Variants in ARID3B observed in about 807,000 individuals in gnomAD.
ARID3B encodes the protein AT-rich interactive domain-containing protein 3B.
A neutral mutation model predicts 51.9 loss-of-function variants in ARID3B; 10 were observed. The ratio of observed to expected loss-of-function variants is 0.19; its 90% CI spans 0.12 to 0.33. The LOEUF (loss-of-function observed/expected upper bound fraction) is 0.33. Ranked by LOEUF, ARID3B falls within the 10% of genes least tolerant of loss-of-function variation. The pLI is 1.00. For missense variants in ARID3B, 483 were observed against 716.3 expected (o/e 0.67, Z 3.72); for synonymous variants, 205 against 279.5 (o/e 0.73, Z 2.66).
chr15:74,588,853 G>T (rs1169471427), intron 4 of ARID3B, among the ~76,000 whole-genome samples: 1 of 151,854 alleles, frequency 6.6e-6, no homozygotes, highest in African/African-American at 2.4e-5. Flanking sequence ...AGAGGCCAGG[G>T]AGTGGGTGGA....
chr15:74,550,579 G>A (rs940742295), intron 2 of ARID3B, among the ~76,000 whole-genome samples: 4 of 151,724 alleles, frequency 2.6e-5, no homozygotes, highest in East Asian at 3.9e-4. Flanking sequence ...GGTGGCAGGC[G>A]CCTGCGGTCC....
At chr15:74,568,464 G>A (rs960359796) in intron 2 of ARID3B, among the ~76,000 whole-genome samples, 3 of 152,148 alleles carry the variant, frequency 2.0e-5, no homozygotes, top group African/African-American at 7.2e-5. Context: ...CCCTGAGCAG[G>A]TTATTTGAGC....
chr15:74,596,018 G>A lies in ARID3B; in HGVS notation c.*244G>A. The A allele has an allele frequency of 4.2e-6, 2 of 471,194 alleles. No homozygotes were observed. Among genetic ancestry groups the A allele is most frequent in the Non-Finnish European group, 7.5e-6 (2 of 267,952 alleles). The allele number at this position is 471,194 out of a possible 1,614,324, so 29.2% of individuals were successfully genotyped here. ...CAGGGATTGTCCTGGAGAACTGGGT[G>A]GGGGTCTGTGGGTGTCCAGCTTCCT... is the stretch of plus-strand genomic sequence containing the variant. On this transcript the variant is annotated 3_prime_UTR_variant, in exon 9 of 9. Transcript: ENST00000346246.
At chr15:74,585,873 G>A (rs546034901) in intron 4 of ARID3B, among the ~76,000 whole-genome samples, 13 of 152,344 alleles carry the variant, frequency 8.5e-5, no homozygotes, top group South Asian at 6.2e-4. Context: ...AATCAAAGAC[G>A]CGGCAGGCTT....
intron 2 of ARID3B, among the ~76,000 whole-genome samples, chr15:74,565,879 C>T (rs2061696353): frequency 6.6e-6 from 1 of 152,162 alleles, no homozygotes; most frequent in Non-Finnish European, 1.5e-5. Flanking sequence ...GTGCCATAAC[C>T]TGGCTTCTTC....
At chr15:74,541,530 C>A in intron 1 of ARID3B, among the ~76,000 whole-genome samples, 200 bp downstream of exon 1, 1 of 152,258 alleles carries the variant, frequency 6.6e-6, no homozygotes, top group South Asian at 2.1e-4. Context: ...TGAGATAAAG[C>A]GTTTGAGATA....
intron 2 of ARID3B, among the ~76,000 whole-genome samples, chr15:74,546,642 T>C (rs1306201408): frequency 6.6e-6 from 1 of 152,228 alleles, no homozygotes; most frequent in Non-Finnish European, 1.5e-5. Flanking sequence ...GCTGTTGGCA[T>C]TTGAAACTCT....
intron 2 of ARID3B, among the ~76,000 whole-genome samples, chr15:74,546,568 C>G (rs2061616663): frequency 6.6e-6 from 1 of 152,162 alleles, no homozygotes; most frequent in South Asian, 2.1e-4. Flanking sequence ...GGCAGGGCAC[C>G]CAGCATCATG....
intron 2 of ARID3B, among the ~76,000 whole-genome samples, chr15:74,565,565 T>G (rs1315901111): frequency 6.6e-6 from 1 of 152,200 alleles, no homozygotes; most frequent in Non-Finnish European, 1.5e-5. Flanking sequence ...TTTGGACATC[T>G]GAGCTGTGCT....
chr15:74,585,275 G>C lies in ARID3B; in HGVS notation c.698-4545G>C, dbSNP rs137879478. ...TGCTTTTGCATTTCTTGTGGACAGAGGCCTCTCTCTCTCAGGTGAAGAGCT... is the reference window on the plus strand; with the variant it reads ...TGCTTTTGCATTTCTTGTGGACAGACGCCTCTCTCTCTCAGGTGAAGAGCT... On this transcript the variant is annotated intron_variant, in intron 4 of 8. Transcript: ENST00000346246. 6.2e-4 allele frequency among the ~76,000 whole-genome samples: 95 copies of C among 152,294 alleles called. 1 individual carries two copies. The highest frequency in any genetic ancestry group is 2.2e-3 in the African/African-American group (93 of 41,562).
At chr15:74,569,464 G>A (rs1473467023) in intron 2 of ARID3B, among the ~76,000 whole-genome samples, 1 of 152,148 alleles carries the variant, frequency 6.6e-6, no homozygotes, top group African/African-American at 2.4e-5. Context: ...GCATGTACCT[G>A]TAGTCCCAGC....
chr15:74,591,118 G>T lies in ARID3B; in HGVS notation c.882-33G>T. On this transcript the variant is annotated intron_variant, in intron 5 of 8. Coordinates refer to ENST00000346246, the MANE Select transcript of ARID3B (RefSeq NM_006465.4). The surrounding 1 kb of genome is among the most constrained non-coding windows in gnomAD (Gnocchi z 5.8). ...CTGGGTGGTCTCTGGTGCTGTTTTG[G>T]ATTATTCTCCCTGCTTGCTTCCTTT... The T allele has an allele frequency of 6.4e-7, 1 of 1,560,828 alleles. No individual in the cohort carries two copies. Among genetic ancestry groups the T allele is most frequent in the Non-Finnish European group, 8.7e-7 (1 of 1,148,702 alleles).
intron 2 of ARID3B, among the ~76,000 whole-genome samples, chr15:74,556,211 A>C (rs2061657065): frequency 6.6e-6 from 1 of 152,200 alleles, no homozygotes; most frequent in African/African-American, 2.4e-5. Flanking sequence ...CAAGGTTACT[A>C]ATTGGCCTAA....
At chr15:74,554,635 A>G (rs2061650547) in intron 2 of ARID3B, among the ~76,000 whole-genome samples, 1 of 152,066 alleles carries the variant, frequency 6.6e-6, no homozygotes, top group Non-Finnish European at 1.5e-5. Context: ...CAATTTAACT[A>G]TACTTTTCTT....
intron 2 of ARID3B, among the ~76,000 whole-genome samples, chr15:74,554,702 AT>A (rs1187735671): frequency 3.3e-5 from 5 of 152,058 alleles, no homozygotes; most frequent in Non-Finnish European, 5.9e-5. Context: ...TTTAGCCTTT[AT>A]GTCCTTTGCT....
intron 2 of ARID3B, among the ~76,000 whole-genome samples, chr15:74,566,290 C>A (rs1375509388): frequency 6.6e-6 from 1 of 152,074 alleles, no homozygotes; most frequent in Non-Finnish European, 1.5e-5. Context: ...TCATACTACT[C>A]TCTTACTTGT....
At chr15:74,577,868 G>T (rs1313019302) in intron 4 of ARID3B, among the ~76,000 whole-genome samples, 1 of 151,910 alleles carries the variant, frequency 6.6e-6, no homozygotes, top group Non-Finnish European at 1.5e-5. Context: ...TGTGAGGCTT[G>T]CTGTCTTTGT....
chr15:74,585,088 G>C (rs1437992201), intron 4 of ARID3B, among the ~76,000 whole-genome samples: 1 of 152,168 alleles, frequency 6.6e-6, no homozygotes, highest in Non-Finnish European at 1.5e-5. Flanking sequence ...CTCCTGCTTT[G>C]ATAGCAGTGA....
chr15:74,565,627 C>T (rs2061695230), intron 2 of ARID3B, among the ~76,000 whole-genome samples: 1 of 152,096 alleles, frequency 6.6e-6, no homozygotes, highest in Non-Finnish European at 1.5e-5. Context: ...AGCCTAGATA[C>T]TTAATTGCTT....
Sources: allele counts gnomAD v4.1 joint callset (sites outside exome capture counted in the v4.1 genomes callset), GRCh38; gene constraint gnomAD v4.1.1; non-coding constraint Gnocchi (gnomAD v3.1); transcripts MANE v1.5; gene names NCBI Gene and HGNC (gene_info 2026-07-23, HGNC 2026-07-21).